MSL1: variants seen among roughly 807,000 people sequenced by gnomAD.
MSL1 encodes MSL complex subunit 1.
In MSL1, 21 loss-of-function variants were observed where a neutral mutation model predicts 64.6. The ratio of observed to expected loss-of-function variants is 0.33; its 90% CI spans 0.23 to 0.47. MSL1 has a LOEUF of 0.47. Among genes scored for constraint, MSL1 ranks in the 20% least tolerant of loss-of-function variants. The pLI is 1.00. For synonymous variants in MSL1, 339 were observed against 329.6 expected (o/e 1.03, Z -0.31); for missense variants, 664 against 793.2 (o/e 0.84, Z 1.96).
rs1422883266 is a variant in MSL1, at chr17:40,131,719, A to G, written c.1423+135A>G. The stretch of plus-strand genomic sequence containing the variant: ...TTGGTGTATGATTGATTACACTACT[A>G]TAGACTTCAAAATGACAACAAATTT... On this transcript the variant is annotated intron_variant, in intron 4 of 8. Transcript: ENST00000398532. This position sits in a 1 kb window ranked among gnomAD's most constrained non-coding sequence, Gnocchi z 4.5. The G allele has an allele frequency of 6.2e-6, 5 of 802,036 alleles. No homozygotes were observed. Among genetic ancestry groups the G allele is most frequent in the East Asian group, 2.4e-5 (1 of 40,932 alleles). 49.7% of individuals were successfully genotyped at this position (802,036 alleles called of 1,614,324 possible).
chr17:40,129,904 C>T, intron 3 of MSL1: 1 of 373,642 alleles, frequency 2.7e-6, no homozygotes, highest in Non-Finnish European at 4.8e-6. Flanking sequence ...GGGGTGTAAT[C>T]TCCGGCAACT....
In MSL1 at chr17:40,122,637, A is replaced by G; in HGVS notation, c.25A>G (p.Lys9Glu). The G allele has an allele frequency of 6.7e-7, 1 of 1,488,040 alleles. No individual in the cohort carries two copies. Among genetic ancestry groups the G allele is most frequent in the Non-Finnish European group, 8.9e-7 (1 of 1,126,568 alleles). The allele number at this position is 1,488,040 out of a possible 1,614,324, so 92.2% of individuals were successfully genotyped here. The stretch of plus-strand genomic sequence containing the variant: ...TATGACCATGAGATCCGCGGTGTTC[A>G]AGGCGGCCGCGGCCCCTGCCGGCGG... MTMRSAVF[K>E]AAAAPAGGNP... Residue 9 changes from lysine (K) to glutamate (E), a missense_variant, in exon 1 of 9, where the codon AAG becomes GAG. Lys to Glu is a moderately conservative substitution (Grantham distance 56, BLOSUM62 1). This residue lies in a region of MSL1 where 466 missense variants were observed against 499.0 expected (regional missense o/e 0.93). Coordinates refer to ENST00000398532, the MANE Select transcript of MSL1 (RefSeq NM_001365919.1). The surrounding 1 kb of genome is among the most constrained non-coding windows in gnomAD (Gnocchi z 4.2).
chr17:40,132,426 T>A (rs531614453), intron 5 of MSL1, among the ~76,000 whole-genome samples: 10 of 152,178 alleles, frequency 6.6e-5, no homozygotes, highest in African/African-American at 2.4e-4. Flanking sequence ...TCACCTGAGG[T>A]CAGGAGTCAG....
In MSL1 at chr17:40,122,986, G is replaced by A; in HGVS notation, c.374G>A (p.Cys125Tyr). ...GAGCCTGCCGCAGCCGGAGCCGGCT[G>A]CAGCCCCCGGCCCAAGTATCAGGCG... ...GGEPAAAGAG[C>Y]SPRPKYQAVL... The change falls in exon 1 of 9, where the codon TGC becomes TAC. Residue 125 changes from cysteine (C) to tyrosine (Y), a missense_variant. Cys to Tyr is a radical substitution (Grantham distance 194). This residue lies in a region of MSL1 where 466 missense variants were observed against 499.0 expected (regional missense o/e 0.93). Transcript: ENST00000398532. The surrounding 1 kb of genome is among the most constrained non-coding windows in gnomAD (Gnocchi z 4.2). 6.5e-7 allele frequency: 1 copy of A among 1,528,388 alleles called. No homozygotes were observed. The highest frequency in any genetic ancestry group is 8.7e-7 in the Non-Finnish European group (1 of 1,144,300). 94.7% of individuals were successfully genotyped at this position (1,528,388 alleles called of 1,614,324 possible).
chr17:40,122,354 A>AGGCGGC lies in MSL1; in HGVS notation c.-249_-244dup, dbSNP rs955277564. The stretch of plus-strand genomic sequence containing the variant: ...GTGCGAGCTCCTGCCTCTGAGGCGA[A>AGGCGGC]GGCGGCGGCGGCGGCAGCAGAGGCG... On this transcript the variant is annotated 5_prime_UTR_variant, in exon 1 of 9. Transcript: ENST00000398532. The surrounding 1 kb of genome is among the most constrained non-coding windows in gnomAD (Gnocchi z 4.2). 9 of 216,948 alleles carry AGGCGGC rather than the reference A, an allele frequency of 4.1e-5. No individual in the cohort carries two copies. Among genetic ancestry groups the AGGCGGC allele is most frequent in the South Asian group, 3.3e-4 (2 of 6,110 alleles). 13.4% of individuals were successfully genotyped at this position (216,948 alleles called of 1,614,324 possible).
chr17:40,122,363 CGGCGGCAGCAGA>C lies in MSL1; in HGVS notation c.-243_-232del, dbSNP rs1380369449. The C allele has an allele frequency of 4.1e-6, 1 of 243,416 alleles. No homozygotes were observed. The highest frequency in any genetic ancestry group is 7.8e-6 in the Non-Finnish European group (1 of 128,686). 15.1% of individuals were successfully genotyped at this position (243,416 alleles called of 1,614,324 possible). On this transcript the variant is annotated 5_prime_UTR_variant, in exon 1 of 9. Coordinates refer to ENST00000398532, the MANE Select transcript of MSL1 (RefSeq NM_001365919.1). This position sits in a 1 kb window ranked among gnomAD's most constrained non-coding sequence, Gnocchi z 4.2. ...CCTGCCTCTGAGGCGAAGGCGGCGG[CGGCGGCAGCAGA>C]GGCGGCGGCGAGGCCCCCATGGGCC...
Position 40,136,687 on chromosome 17 carries a change from T to C in MSL1, c.*2318T>C, listed in dbSNP as rs1988546263. The C allele has an allele frequency of 6.6e-6, 1 of 152,376 alleles. No homozygotes were observed. Among genetic ancestry groups the C allele is most frequent in the South Asian group, 2.1e-4 (1 of 4,838 alleles). 9.4% of individuals were successfully genotyped at this position (152,376 alleles called of 1,614,324 possible). A position where few individuals can be genotyped will look rare whatever the true frequency, so the allele number is the denominator to read the frequency against. ...TGCCCATTTCATATTGTTGTCTGTG[T>C]TGTAATTCATAACTTTTGATACCAT... On this transcript the variant is annotated 3_prime_UTR_variant, in exon 9 of 9. Coordinates refer to ENST00000398532, the MANE Select transcript of MSL1 (RefSeq NM_001365919.1).
At chr17:40,133,769 C>T (rs17678817) in intron 7 of MSL1, 58 bp from the exon 8 acceptor site, 33,652 of 1,610,562 alleles carry the variant, frequency 0.021, 408 homozygotes, top group Non-Finnish European at 0.025. Flanking sequence ...GCAGATATAG[C>T]TTCTAGACAT....
chr17:40,129,497 C>T lies in MSL1; in HGVS notation c.1245C>T (p.Ala415=), dbSNP rs1048713385. ...CCAGCACCCATCCCAAGGAGAAAGC[C>T]TTCTCAAGTGAGATAGAAGATTTGC... The part of the protein sequence containing the change: ...KGPSTHPKEK[A]FSSEIEDLPY... Residue 415 remains alanine, a synonymous_variant, in exon 3 of 9, where the codon GCC becomes GCT. Transcript: ENST00000398532. The T allele has an allele frequency of 1.2e-6, 2 of 1,613,920 alleles. No individual in the cohort carries two copies. The highest frequency in any genetic ancestry group is 1.7e-6 in the Non-Finnish European group (2 of 1,179,880).
At chr17:40,125,781 CAAAACAAAAACA>C (rs1052221286) in intron 1 of MSL1, among the ~76,000 whole-genome samples, 1 of 152,224 alleles carries the variant, frequency 6.6e-6, no homozygotes, top group African/African-American at 2.4e-5. Flanking sequence ...AACTCCGTCT[CAAAACAAAAACA>C]AAAACAAACA....
Position 40,131,308 on chromosome 17 carries a change from G to T in MSL1, c.1376-229G>T. The T allele has an allele frequency of 2.2e-6, 1 of 449,276 alleles. No individual in the cohort carries two copies. The highest frequency in any genetic ancestry group is 4.0e-6 in the Non-Finnish European group (1 of 248,050). The allele number at this position is 449,276 out of a possible 1,614,324, so 27.8% of individuals were successfully genotyped here. ...TTGCAGGGAAACCACCCTAAATAAT[G>T]AAGAAAAGAAGTCGTCTCAGTGTAA... On this transcript the variant is annotated intron_variant, in intron 3 of 8. Coordinates refer to ENST00000398532, the MANE Select transcript of MSL1 (RefSeq NM_001365919.1). This position sits in a 1 kb window ranked among gnomAD's most constrained non-coding sequence, Gnocchi z 4.5.
chr17:40,131,371 C>A lies in MSL1; in HGVS notation c.1376-166C>A. On this transcript the variant is annotated intron_variant, in intron 3 of 8. Transcript: ENST00000398532. The surrounding 1 kb of genome is among the most constrained non-coding windows in gnomAD (Gnocchi z 4.5). ...GTGGGCTTATTTTCTTTTCTTTTGT[C>A]TGTTGTTCCCTCTTCCCCTCCCCCA... is the stretch of plus-strand genomic sequence containing the variant. The A allele has an allele frequency of 1.8e-6, 1 of 541,320 alleles. No individual in the cohort carries two copies. Among genetic ancestry groups the A allele is most frequent in the Non-Finnish European group, 3.3e-6 (1 of 300,490 alleles). 33.5% of individuals were successfully genotyped at this position (541,320 alleles called of 1,614,324 possible).
At chr17:40,133,218 T>A in intron 6 of MSL1, 109 bp downstream of exon 6, 1 of 997,580 alleles carries the variant, frequency 1.0e-6, no homozygotes, top group Non-Finnish European at 1.5e-6. Context: ...TTGGAGTGCT[T>A]AACACTCTTA....
rs143770102 is a variant in MSL1 at position 40,134,663 on chromosome 17, T to G, written c.*294T>G. The stretch of plus-strand genomic sequence containing the variant: ...AGTTTCAGGGGTCTGTTTCTATACA[T>G]TTGCCTATGTTAAAGGGGTAAAAGG... On this transcript the variant is annotated 3_prime_UTR_variant, in exon 9 of 9. Coordinates refer to ENST00000398532, the MANE Select transcript of MSL1 (RefSeq NM_001365919.1). 1.1e-5 allele frequency: 4 copies of G among 372,890 alleles called. No individual in the cohort carries two copies. The East Asian group carries it at 2.2e-4, about 21-fold the overall frequency. 23.1% of individuals were successfully genotyped at this position (372,890 alleles called of 1,614,324 possible).
chr17:40,126,081 T>C (rs1988306835), intron 1 of MSL1, 102 bp from the exon 2 acceptor site: 2 of 1,001,798 alleles, frequency 2.0e-6, no homozygotes, highest in Non-Finnish European at 3.0e-6. Flanking sequence ...ATGTGGTCCA[T>C]AGAAAGAGGC....
rs1380389970 is a variant in MSL1 at position 40,123,035 on chromosome 17, T to C, written c.423T>C (p.Ser141=). 6.5e-7 allele frequency: 1 copy of C among 1,532,012 alleles called. No individual in the cohort carries two copies. The highest frequency in any genetic ancestry group is 2.0e-5 in the Admixed American group (1 of 50,804). 94.9% of individuals were successfully genotyped at this position (1,532,012 alleles called of 1,614,324 possible). Residue 141 remains serine (S), a synonymous_variant, in exon 1 of 9, where the codon TCT becomes TCC. Coordinates refer to ENST00000398532, the MANE Select transcript of MSL1 (RefSeq NM_001365919.1). ...YQAVLPIQTG[S]LVAAAKEPTP... is the part of the protein sequence containing the mutation. ...CGGTGCTGCCCATTCAGACGGGCTC[T>C]CTCGTGGCGGCGGCCAAAGAGCCTA...
At position 40,123,336 on chromosome 17, in the gene MSL1, G is replaced by C. The variant is rs1480205400; in HGVS notation, c.724G>C (p.Ala242Pro). 1 of 1,536,444 alleles carries C rather than the reference G, an allele frequency of 6.5e-7. No individual in the cohort carries two copies. The highest frequency in any genetic ancestry group is 8.7e-7 in the Non-Finnish European group (1 of 1,146,904). Residue 242 changes from alanine (A) to proline (P), a missense_variant, in exon 1 of 9, where the codon GCC becomes CCC. Transcript: ENST00000398532. ...CGAACAGCAGCAGCAGCAGCTGCAGGCCAAGGAAAAGGAGATCGAGGAGCT... is the reference window on the plus strand; with the variant it reads ...CGAACAGCAGCAGCAGCAGCTGCAGCCCAAGGAAAAGGAGATCGAGGAGCT... ...LIEQQQQQLQ[A>P]KEKEIEELKS...
At position 40,122,645 on chromosome 17, in the gene MSL1, C is replaced by T. The variant is rs1988207863; in HGVS notation, c.33C>T (p.Ala11=). Reference sequence around the variant, plus strand: ...TGAGATCCGCGGTGTTCAAGGCGGCCGCGGCCCCTGCCGGCGGCAATCCTG... The same window carrying T: ...TGAGATCCGCGGTGTTCAAGGCGGCTGCGGCCCCTGCCGGCGGCAATCCTG... The part of the protein sequence containing the change: MTMRSAVFKA[A]AAPAGGNPEQ... The change falls in exon 1 of 9, where the codon GCC becomes GCT. Residue 11 remains alanine, a synonymous_variant. Transcript: ENST00000398532. The surrounding 1 kb of genome is among the most constrained non-coding windows in gnomAD (Gnocchi z 4.2). The T allele has an allele frequency of 3.4e-6, 5 of 1,491,156 alleles. No homozygotes were observed. Among genetic ancestry groups the T allele is most frequent in the Non-Finnish European group, 4.4e-6 (5 of 1,127,746 alleles). 92.4% of individuals were successfully genotyped at this position (1,491,156 alleles called of 1,614,324 possible). A position where few individuals can be genotyped will look rare whatever the true frequency, so the allele number is the denominator to read the frequency against.
intron 2 of MSL1, among the ~76,000 whole-genome samples, chr17:40,128,366 A>ATTTTTTTTTT (rs1403723890): frequency 7.6e-6 from 1 of 131,658 alleles, no homozygotes; most frequent in Non-Finnish European, 1.6e-5. Flanking sequence ...GACCTTGAAT[A>ATTTTTTTTTT]TTCTTTTTTT....
Sources: allele counts gnomAD v4.1 joint callset (sites outside exome capture counted in the v4.1 genomes callset), GRCh38; gene constraint gnomAD v4.1.1; regional missense constraint gnomAD v4.1.1; non-coding constraint Gnocchi (gnomAD v3.1); transcripts MANE v1.5; gene names NCBI Gene and HGNC (gene_info 2026-07-23, HGNC 2026-07-21).